TAF1D: variants seen among roughly 807,000 people sequenced by gnomAD.
TAF1D encodes TATA box-binding protein-associated factor RNA polymerase I subunit D.
A neutral mutation model predicts 26.2 loss-of-function variants in TAF1D; 23 were observed. The ratio of observed to expected loss-of-function variants is 0.88; its 90% confidence interval spans 0.63 to 1.25. TAF1D has a LOEUF of 1.25. Among genes scored for constraint, TAF1D ranks in the 50% most tolerant of loss-of-function variants. TAF1D has a pLI of 0.00. For synonymous variants in TAF1D, 100 were observed against 105.6 expected, an observed-to-expected ratio of 0.95 and a Z score of 0.33; for missense variants, 299 against 322.0, an observed-to-expected ratio of 0.93 and a Z score of 0.55.
At chr11:93,731,963 G>A (rs760862945), downstream of TAF1D, 2 of 496,262 alleles carry the variant, frequency 4.0e-6, no homozygotes, top group Middle Eastern at 6.8e-4. Flanking sequence ...ATATTGAAAA[G>A]TCAACATTTT....
downstream of TAF1D, chr11:93,731,329 A>G (rs946228900): frequency 1.4e-5 from 5 of 346,460 alleles, no homozygotes; most frequent in Non-Finnish European, 2.3e-5. Flanking sequence ...CACCCCAAGT[A>G]AGGTATTGAA....
rs1177329660 is a variant in TAF1D, at chr11:93,741,462, C to CAGCCGACCTCCTCCAACCGTGCGGAAG, written c.-195_-169dup. 6 of 456,170 alleles carry CAGCCGACCTCCTCCAACCGTGCGGAAG rather than the reference C, an allele frequency of 1.3e-5. No individual in the cohort carries two copies. The highest frequency in any genetic ancestry group is 2.6e-5 in the Non-Finnish European group (6 of 226,982). 28.3% of individuals were successfully genotyped at this position (456,170 alleles called of 1,614,324 possible). A position where few individuals can be genotyped will look rare whatever the true frequency, so the allele number is the denominator to read the frequency against. On this transcript the variant is annotated 5_prime_UTR_variant, in exon 1 of 6. Coordinates refer to ENST00000448108, the MANE Select transcript of TAF1D (RefSeq NM_024116.4). ...CCTCAGCCCTCCAACTCCCGATAACCAGCCGACCTCCTCCAACCGTGCGGA... is the reference window on the plus strand; with the variant it reads ...CCTCAGCCCTCCAACTCCCGATAACCAGCCGACCTCCTCCAACCGTGCGGAAGAGCCGACCTCCTCCAACCGTGCGGA...
At position 93,736,186 on chromosome 11, in the gene TAF1D, G is replaced by T. The variant is rs1337551120; in HGVS notation, c.812C>A (p.Thr271Asn). The T allele has an allele frequency of 1.9e-6, 3 of 1,613,458 alleles. No individual in the cohort carries two copies. Among genetic ancestry groups the T allele is most frequent in the Non-Finnish European group, 2.5e-6 (3 of 1,179,760 alleles). ...TCACATTTTCAGGCCTCTCTGTCCAGTATTTTTGGCTTTTGTAGCTCTCTT... is the reference window on the plus strand; with the variant it reads ...TCACATTTTCAGGCCTCTCTGTCCATTATTTTTGGCTTTTGTAGCTCTCTT... ...SKKRATKAKN[T>N]GQRGLKM Residue 271 changes from threonine (T) to asparagine (N), a missense_variant, in exon 6 of 6, where the codon ACT becomes AAT. Coordinates refer to ENST00000448108, the MANE Select transcript of TAF1D (RefSeq NM_024116.4).
In TAF1D at chr11:93,740,633, A is replaced by G. The variant is rs536386043; in HGVS notation, c.-28+689T>C. Among the ~76,000 whole-genome samples, 3 of 152,062 alleles carry G rather than the reference A, an allele frequency of 2.0e-5. No homozygotes were observed. The East Asian group carries it at 5.8e-4, about 29-fold the overall frequency. On this transcript the variant is annotated intron_variant, in intron 1 of 5. Transcript: ENST00000448108. ...AAAATATGAAACGATAAGGTCACCA[A>G]GAGCTCAGATTTGTTAAATGCCCCC... is the stretch of plus-strand genomic sequence containing the variant.
chr11:93,738,172 GCCAGAT>G lies in TAF1D; in HGVS notation c.390_395del (p.Ser131_Gly132del). On this transcript the variant is annotated inframe_deletion, in exon 3 of 6. Transcript: ENST00000448108. Reference sequence around the variant, plus strand: ...CATTCTCTGATTCTAAAAATGGGAAGCCAGATCCTCTGCTTCTAAATTGTTTCTTCT... The same window carrying G: ...CATTCTCTGATTCTAAAAATGGGAAGCCTCTGCTTCTAAATTGTTTCTTCT... The G allele has an allele frequency of 6.3e-7, 1 of 1,576,720 alleles. No homozygotes were observed. Among genetic ancestry groups the G allele is most frequent in the Non-Finnish European group, 8.5e-7 (1 of 1,169,998 alleles).
chr11:93,735,124 A>G (rs773816758), downstream of TAF1D: 13 of 1,347,232 alleles, frequency 9.6e-6, no homozygotes, highest in African/African-American at 1.5e-5. Context: ...ATCCCTTCTT[A>G]TATGTATCAA....
At chr11:93,735,000 G>T, downstream of TAF1D, 1 of 1,210,408 alleles carries the variant, frequency 8.3e-7, no homozygotes, top group Non-Finnish European at 1.1e-6. Context: ...CTGGTTTCAA[G>T]CAATACTCCC....
chr11:93,731,878 G>A (rs1489253682), downstream of TAF1D: 3 of 372,658 alleles, frequency 8.1e-6, no homozygotes, highest in Non-Finnish European at 1.0e-5. Context: ...ACATTACAAT[G>A]TTTCAGTCAA....
chr11:93,738,303 T>G lies in TAF1D; in HGVS notation c.265A>C (p.Lys89Gln). ...AIFERFKNRK[K>Q]RYKKKKKRRY... ...CTCTTTTTCTTTTTTTTATATCTCTTTTTCCTGTTCTTGAATCTTTCAAAA... is the reference window on the plus strand; with the variant it reads ...CTCTTTTTCTTTTTTTTATATCTCTGTTTCCTGTTCTTGAATCTTTCAAAA... Residue 89 changes from lysine to glutamine, a missense_variant, in exon 3 of 6, where the codon AAG (lysine) becomes CAG (glutamine). Coordinates refer to ENST00000448108, the MANE Select transcript of TAF1D (RefSeq NM_024116.4). 1 of 1,609,412 alleles carries G rather than the reference T, an allele frequency of 6.2e-7. No individual in the cohort carries two copies. The highest frequency in any genetic ancestry group is 8.5e-7 in the Non-Finnish European group (1 of 1,178,994).
intron 3 of TAF1D, 105 bp downstream of exon 3, chr11:93,738,004 C>G (rs982720135): frequency 4.0e-5 from 53 of 1,341,134 alleles, no homozygotes; most frequent in African/African-American, 3.7e-4. Flanking sequence ...ATCAAAATTG[C>G]AGACAGTCTG....
chr11:93,732,324 G>A (rs375097122), downstream of TAF1D: 23 of 515,800 alleles, frequency 4.5e-5, no homozygotes, highest in Non-Finnish European at 8.1e-5. Context: ...CTATTTTAGA[G>A]TATATCAAAC....
rs1940683686 is a variant in TAF1D, at chr11:93,735,985, T to A, written c.*176A>T. ...GGTTTTTTTTCTAATTATTACTACT[T>A]CACAAGTTTCTTTCACAAACTTCTT... On this transcript the variant is annotated 3_prime_UTR_variant, in exon 6 of 6. Transcript: ENST00000448108. The A allele has an allele frequency of 5.8e-6, 8 of 1,380,352 alleles. No individual in the cohort carries two copies. The highest frequency in any genetic ancestry group is 7.5e-6 in the Non-Finnish European group (8 of 1,072,800). The allele number at this position is 1,380,352 out of a possible 1,614,324, so 85.5% of individuals were successfully genotyped here.
intron 2 of TAF1D, 123 bp downstream of exon 2, chr11:93,739,114 G>A: frequency 5.7e-6 from 4 of 697,760 alleles, no homozygotes; most frequent in Non-Finnish European, 7.1e-6. Context: ...AGATAAACTT[G>A]GAAGGTCAGT....
downstream of TAF1D, chr11:93,733,593 T>G (rs763430538): frequency 3.9e-6 from 2 of 514,070 alleles, no homozygotes; most frequent in African/African-American, 3.9e-5. Flanking sequence ...GGGATAGACC[T>G]CAACCACTAT....
chr11:93,735,624 C>A lies in TAF1D; in HGVS notation c.*537G>T. On this transcript the variant is annotated 3_prime_UTR_variant, in exon 6 of 6. Transcript: ENST00000448108. Reference sequence around the variant, plus strand: ...TGGAGGTTGCAGTAAGCCAAGACTGCGGCCATTGCACTACAGCCTGGGTGA... The same window carrying A: ...TGGAGGTTGCAGTAAGCCAAGACTGAGGCCATTGCACTACAGCCTGGGTGA... 9 of 911,860 alleles carry A rather than the reference C, an allele frequency of 9.9e-6. No individual in the cohort carries two copies. The highest frequency in any genetic ancestry group is 1.2e-5 in the Non-Finnish European group (9 of 758,984). The allele number at this position is 911,860 out of a possible 1,614,324, so 56.5% of individuals were successfully genotyped here.
At chr11:93,736,671 T>C (rs144215933) in intron 5 of TAF1D, 23 bp downstream of exon 5, 24 of 1,608,342 alleles carry the variant, frequency 1.5e-5, no homozygotes, top group Admixed American at 8.6e-5. Flanking sequence ...CAAAATGGAA[T>C]AGGAAAAAAA....
At chr11:93,736,819 T>C in intron 4 of TAF1D, 68 bp from the exon 5 acceptor site, 1 of 1,477,314 alleles carries the variant, frequency 6.8e-7, no homozygotes. Context: ...TATATTCCAC[T>C]CTGAAATATA....
chr11:93,734,705 G>C (rs1045071264), downstream of TAF1D: 2 of 1,285,140 alleles, frequency 1.6e-6, no homozygotes, highest in African/African-American at 3.0e-5. Context: ...CATGAAATTG[G>C]AATGCAAAAT....
In TAF1D at chr11:93,736,121, G is replaced by GT. The variant is rs753615994; in HGVS notation, c.*39dup. On this transcript the variant is annotated 3_prime_UTR_variant, in exon 6 of 6. Coordinates refer to ENST00000448108, the MANE Select transcript of TAF1D (RefSeq NM_024116.4). Reference sequence around the variant, plus strand: ...TATCTTTATTCATTTCTATGAAGTCGTTTTTTCTATATGCTTCACCTTTGA... The same window carrying GT: ...TATCTTTATTCATTTCTATGAAGTCGTTTTTTTCTATATGCTTCACCTTTGA... 2.1e-5 allele frequency: 33 copies of GT among 1,609,184 alleles called. No individual in the cohort carries two copies. Among genetic ancestry groups the GT allele is most frequent in the African/African-American group, 6.7e-5 (5 of 74,536 alleles).
Sources: gnomAD v4.1 joint callset for allele counts (sites outside exome capture counted in the v4.1 genomes callset) on GRCh38, gnomAD v4.1.1 for gene constraint, MANE v1.5 for transcripts, NCBI Gene and HGNC (gene_info 2026-07-23, HGNC 2026-07-21) for gene names.